The following DNER variants were observed in gnomAD, a reference collection of about 807,000 sequenced individuals.
The protein encoded by DNER is delta/notch like EGF repeat containing.
A neutral mutation model predicts 78.2 loss-of-function variants in DNER; 33 were observed. The observed-to-expected ratio is 0.42, with a 90% CI of 0.32 to 0.56. DNER has a LOEUF of 0.56. Ranked by LOEUF, DNER falls within the 20% of genes least tolerant of loss-of-function variation. The pLI is 0.11. For synonymous variants in DNER, 417 were observed against 384.8 expected (o/e 1.08, Z -0.98); for missense variants, 918 against 975.3 (o/e 0.94, Z 0.78).
rs533538018 is a variant in DNER at position 229,548,291 on chromosome 2, T to TA, written c.848-1200dup. ...ATGGCTTAAAGAGCTAAATACGAAT[T>TA]AAAACCTTTAAAGTGGCACTATTCA... On this transcript the variant is annotated intron_variant, in intron 4 of 12. Transcript: ENST00000341772. Among the ~76,000 whole-genome samples the TA allele has an allele frequency of 9.9e-4, 151 of 152,246 alleles. 1 individual carries two copies. Among genetic ancestry groups the TA allele is most frequent in the African/African-American group, 3.4e-3 (143 of 41,550 alleles).
In DNER at chr2:229,367,025, G is replaced by T. The variant is rs764187705; in HGVS notation, c.1950C>A (p.Phe650Leu). 9.9e-6 allele frequency: 16 copies of T among 1,614,094 alleles called. No individual in the cohort carries two copies. In the South Asian group the frequency reaches 1.6e-4, roughly 17 times the overall value. Residue 650 changes from phenylalanine (F) to leucine (L), a missense_variant, in exon 12 of 13, where the codon TTC becomes TTA. By Grantham distance (22) the Phe-to-Leu change is conservative. Coordinates refer to ENST00000341772, the MANE Select transcript of DNER (RefSeq NM_139072.4). ...CGATCAGGATGATCAGCATAAGGATGAAGGCCACGCAGAGGGCTCCAATGA... is the reference window on the plus strand; with the variant it reads ...CGATCAGGATGATCAGCATAAGGATTAAGGCCACGCAGAGGGCTCCAATGA... ...YIIIGALCVAFILMLIILIVG... is the reference protein window; with the variant it reads ...YIIIGALCVALILMLIILIVG...
At chr2:229,595,170 C>T (rs1697687679) in intron 1 of DNER, among the ~76,000 whole-genome samples, 1 of 152,134 alleles carries the variant, frequency 6.6e-6, no homozygotes, top group Admixed American at 6.5e-5. Flanking sequence ...ATCCTTACAG[C>T]AACCCTTTTG....
At chr2:229,422,367 A>G (rs1396992676) in intron 8 of DNER, among the ~76,000 whole-genome samples, 2 of 152,236 alleles carry the variant, frequency 1.3e-5, no homozygotes, top group Admixed American at 6.5e-5. Context: ...GGGTGGGATC[A>G]GAGTGGCCCT....
intron 5 of DNER, among the ~76,000 whole-genome samples, chr2:229,527,216 G>A (rs13422336): frequency 0.026 from 3,897 of 152,146 alleles, 171 homozygotes; most frequent in African/African-American, 0.089. Flanking sequence ...CATAACCTCT[G>A]CCTCAGAAGA....
At chr2:229,504,411 G>C (rs1028205113) in intron 6 of DNER, among the ~76,000 whole-genome samples, 2 of 151,468 alleles carry the variant, frequency 1.3e-5, no homozygotes, top group South Asian at 4.2e-4. Flanking sequence ...GTAGAGAGAG[G>C]GTTTCGCCAT....
At chr2:229,595,194 T>C (rs1160277829) in intron 1 of DNER, among the ~76,000 whole-genome samples, 1 of 152,216 alleles carries the variant, frequency 6.6e-6, no homozygotes, top group East Asian at 1.9e-4. Flanking sequence ...AGTACATTTG[T>C]ACATTTATTA....
At chr2:229,415,089 G>A (rs1693616016) in intron 9 of DNER, among the ~76,000 whole-genome samples, 1 of 151,008 alleles carries the variant, frequency 6.6e-6, no homozygotes, top group African/African-American at 2.4e-5. Context: ...TTGAACCCAG[G>A]AGGTGGAGGT....
chr2:229,685,821 G>A (rs530672085), intron 1 of DNER, among the ~76,000 whole-genome samples: 1 of 152,300 alleles, frequency 6.6e-6, no homozygotes, highest in East Asian at 1.9e-4. Context: ...GATAGCAAAC[G>A]AGTAAACACA....
intron 8 of DNER, among the ~76,000 whole-genome samples, chr2:229,428,937 A>G (rs1693944567): frequency 6.6e-6 from 1 of 152,180 alleles, no homozygotes; most frequent in Non-Finnish European, 1.5e-5. Flanking sequence ...AGAAAGAGAC[A>G]TAGAAAGAGA....
intron 1 of DNER, among the ~76,000 whole-genome samples, chr2:229,597,664 A>T (rs1255800349): frequency 6.6e-6 from 1 of 152,198 alleles, no homozygotes; most frequent in Non-Finnish European, 1.5e-5. Context: ...TTGTAATACC[A>T]GCTATAATAA....
chr2:229,599,037 G>A (rs936363833), intron 1 of DNER, among the ~76,000 whole-genome samples: 3 of 152,108 alleles, frequency 2.0e-5, no homozygotes, highest in Non-Finnish European at 2.9e-5. Context: ...GGAATGGGAC[G>A]GTGCTTGAGG....
chr2:229,434,477 G>A (rs1231660520), intron 8 of DNER, among the ~76,000 whole-genome samples: 2 of 152,094 alleles, frequency 1.3e-5, no homozygotes, highest in African/African-American at 4.8e-5. Flanking sequence ...GATGCAACTG[G>A]ATTACAAAGA....
At chr2:229,359,628 G>T (rs1214416593) in intron 12 of DNER, among the ~76,000 whole-genome samples, 1 of 152,002 alleles carries the variant, frequency 6.6e-6, no homozygotes, top group Non-Finnish European at 1.5e-5. Context: ...CTAGGATGGG[G>T]TCCCTAGGAA....
chr2:229,562,057 A>G (rs1696971774), intron 4 of DNER, among the ~76,000 whole-genome samples: 1 of 152,164 alleles, frequency 6.6e-6, no homozygotes, highest in Non-Finnish European at 1.5e-5. Context: ...TCGGTCCTAG[A>G]CCAACTACCT....
At chr2:229,450,059 C>T (rs892318418) in intron 7 of DNER, among the ~76,000 whole-genome samples, 1 of 152,196 alleles carries the variant, frequency 6.6e-6, no homozygotes, top group East Asian at 1.9e-4. Context: ...GGATTATAGG[C>T]GTGAGCCACC....
intron 9 of DNER, among the ~76,000 whole-genome samples, chr2:229,414,323 G>C (rs145767564): frequency 2.9e-4 from 44 of 152,282 alleles, no homozygotes; most frequent in Admixed American, 7.8e-4. Flanking sequence ...CTGGAGTGCA[G>C]TGGTGTGATC....
At chr2:229,436,412 T>C (rs996305795) in intron 8 of DNER, among the ~76,000 whole-genome samples, 3 of 152,178 alleles carry the variant, frequency 2.0e-5, no homozygotes, top group Non-Finnish European at 4.4e-5. Flanking sequence ...GATGAACATA[T>C]GTATGTATGT....
chr2:229,504,764 G>C (rs1031499600), intron 6 of DNER, among the ~76,000 whole-genome samples: 4 of 152,222 alleles, frequency 2.6e-5, no homozygotes, highest in Admixed American at 1.3e-4. Flanking sequence ...AAACATTATA[G>C]TAAGATGATC....
At chr2:229,457,014 A>G (rs1694589567) in intron 7 of DNER, among the ~76,000 whole-genome samples, 1 of 152,166 alleles carries the variant, frequency 6.6e-6, no homozygotes, top group African/African-American at 2.4e-5. Flanking sequence ...ACAAAATGAC[A>G]TCTTTAAGGC....
Sources: gnomAD v4.1 joint callset for allele counts (sites outside exome capture counted in the v4.1 genomes callset) on GRCh38, gnomAD v4.1.1 for gene constraint, MANE v1.5 for transcripts, NCBI Gene and HGNC (gene_info 2026-07-23, HGNC 2026-07-21) for gene names.